The following NHSL1 variants were observed in gnomAD, a reference collection of about 807,000 sequenced individuals.
NHSL1 encodes the protein NHS-like protein 1.
In NHSL1, 48 loss-of-function variants were observed where a neutral mutation model predicts 95.0. That is an observed-to-expected ratio of 0.51 (90% CI 0.40 to 0.64). The LOEUF (loss-of-function observed/expected upper bound fraction) is 0.64, where lower values mean the gene tolerates loss of function less well. Among genes scored for constraint, NHSL1 ranks in the 30% least tolerant of loss-of-function variants. The pLI is 0.00. For synonymous variants in NHSL1, 783 were observed against 833.9 expected (o/e 0.94, Z 1.05); for missense variants, 1,971 against 2,077.7 (o/e 0.95, Z 1.00).
At chr6:138,445,697 C>T (rs1204514596) in intron 4 of NHSL1, among the ~76,000 whole-genome samples, 1 of 152,164 alleles carries the variant, frequency 6.6e-6, no homozygotes, top group Non-Finnish European at 1.5e-5. Context: ...CTTACAAGCT[C>T]ACCAGTGCCA....
intron 1 of NHSL1, among the ~76,000 whole-genome samples, chr6:138,596,645 C>T (rs1454983883): frequency 1.3e-5 from 2 of 152,118 alleles, no homozygotes; most frequent in African/African-American, 2.4e-5. Flanking sequence ...ATCAGCAGCG[C>T]CGCAAAAGGA....
chr6:138,627,366 C>A (rs1248419970), intron 1 of NHSL1, among the ~76,000 whole-genome samples: 1 of 152,118 alleles, frequency 6.6e-6, no homozygotes, highest in Non-Finnish European at 1.5e-5. Context: ...TGAATGTATT[C>A]TTCTTTGTAA....
chr6:138,464,897 G>A (rs558530434), intron 3 of NHSL1, among the ~76,000 whole-genome samples: 1 of 151,342 alleles, frequency 6.6e-6, no homozygotes, highest in African/African-American at 2.4e-5. Context: ...ATTTTTAGTA[G>A]AGACAGGGTT....
chr6:138,681,231 T>A (rs7764815), intron 1 of NHSL1, among the ~76,000 whole-genome samples: 4,425 of 152,282 alleles, frequency 0.029, 116 homozygotes, highest in South Asian at 0.071. Flanking sequence ...CATAAATTAA[T>A]ATTTTCATAT....
intron 1 of NHSL1, among the ~76,000 whole-genome samples, chr6:138,669,116 C>T (rs112442441): frequency 5.3e-5 from 8 of 151,748 alleles, no homozygotes; most frequent in East Asian, 1.9e-4. Flanking sequence ...ACAGGGGAGG[C>T]GAGGAAAGCA....
At chr6:138,532,009 G>A (rs1377604454) in intron 1 of NHSL1, among the ~76,000 whole-genome samples, 1 of 152,188 alleles carries the variant, frequency 6.6e-6, no homozygotes, top group Non-Finnish European at 1.5e-5. Flanking sequence ...ATGACACTGT[G>A]ATAGGTAACT....
chr6:138,636,544 C>G (rs1373448833), intron 1 of NHSL1, among the ~76,000 whole-genome samples: 2 of 152,108 alleles, frequency 1.3e-5, no homozygotes, highest in Non-Finnish European at 2.9e-5. Flanking sequence ...ACTATTGGAA[C>G]TGGTATGCAA....
Position 138,499,382 on chromosome 6 carries a change from AT to A in NHSL1, c.-93del, listed in dbSNP as rs1780551826. Reference sequence around the variant, plus strand: ...GGCAAGCTTCGTCCTTCTGCTACAGATTCTAACTTTTTCTTCCCCCGGTCTC... The same window carrying A: ...GGCAAGCTTCGTCCTTCTGCTACAGATCTAACTTTTTCTTCCCCCGGTCTC... On this transcript the variant is annotated 5_prime_UTR_variant, in exon 1 of 8. It removes the in-frame stop codon of an upstream open reading frame in the 5' UTR. Transcript: ENST00000343505. 9.9e-6 allele frequency: 15 copies of A among 1,515,320 alleles called. No homozygotes were observed. The South Asian group carries it at 1.6e-4, about 16-fold the overall frequency. 93.9% of individuals were successfully genotyped at this position (1,515,320 alleles called of 1,614,324 possible).
intron 1 of NHSL1, among the ~76,000 whole-genome samples, chr6:138,533,101 C>A (rs1782203277): frequency 6.6e-6 from 1 of 152,100 alleles, no homozygotes; most frequent in Non-Finnish European, 1.5e-5. Context: ...CAGACAAAAA[C>A]ACACAGTGAC....
At chr6:138,458,937 T>C (rs1777814261) in intron 3 of NHSL1, among the ~76,000 whole-genome samples, 1 of 152,226 alleles carries the variant, frequency 6.6e-6, no homozygotes, top group African/African-American at 2.4e-5. Flanking sequence ...CTTTCTGATA[T>C]TAACGCCTCT....
intron 1 of NHSL1, among the ~76,000 whole-genome samples, chr6:138,528,921 A>G (rs1455085525): frequency 1.3e-5 from 2 of 152,222 alleles, no homozygotes; most frequent in Non-Finnish European, 2.9e-5. Flanking sequence ...GGCCCTCATA[A>G]AGGCGACATT....
chr6:138,635,411 T>C (rs187082425), intron 1 of NHSL1, among the ~76,000 whole-genome samples: 189 of 152,236 alleles, frequency 1.2e-3, no homozygotes, highest in African/African-American at 4.3e-3. Context: ...CTATGGGCAA[T>C]TATATGCCAA....
At chr6:138,644,739 T>C (rs1784995594) in intron 1 of NHSL1, among the ~76,000 whole-genome samples, 1 of 152,202 alleles carries the variant, frequency 6.6e-6, no homozygotes, top group Admixed American at 6.5e-5. Flanking sequence ...AGACAAACGA[T>C]AAATTATTAT....
chr6:138,455,905 G>A (rs1376746362), intron 3 of NHSL1, among the ~76,000 whole-genome samples: 1 of 152,206 alleles, frequency 6.6e-6, no homozygotes, highest in Non-Finnish European at 1.5e-5. Flanking sequence ...ATGATTGGGA[G>A]AGTGGCCAAA....
rs1163761095 is a variant in NHSL1 at position 138,581,692 on chromosome 6, CAAAAAAA to C, written c.97-85328_97-85322del. ...GGGTGACAGAGTGAGACTCCGTCTC[CAAAAAAA>C]AAAAAAAAAAAAAAAAAATTTCAGG... On this transcript the variant is annotated intron_variant, in intron 1 of 3. Transcript: ENST00000491526. Among the ~76,000 whole-genome samples, 6 of 67,296 alleles carry C rather than the reference CAAAAAAA, an allele frequency of 8.9e-5. No homozygotes were observed. The East Asian group carries it at 1.3e-3, about 15-fold the overall frequency. The allele number at this position is 67,296 out of a possible 152,430, so 44.1% of individuals were successfully genotyped here.
chr6:138,439,788 G>A (rs913113362), intron 5 of NHSL1, among the ~76,000 whole-genome samples: 12 of 152,216 alleles, frequency 7.9e-5, no homozygotes, highest in African/African-American at 1.9e-4. Context: ...CAGATGATGC[G>A]GGGAAAGCTA....
chr6:138,527,176 C>T (rs1047738382), intron 1 of NHSL1, among the ~76,000 whole-genome samples: 2 of 151,816 alleles, frequency 1.3e-5, no homozygotes, highest in Non-Finnish European at 2.9e-5. Context: ...TCAAGACCAG[C>T]GCTGGGAGGC....
intron 1 of NHSL1, among the ~76,000 whole-genome samples, chr6:138,643,169 T>C (rs1173018219): frequency 2.0e-5 from 3 of 152,256 alleles, no homozygotes; most frequent in Non-Finnish European, 4.4e-5. Flanking sequence ...GTGCTAGGCC[T>C]TCTGCCAACA....
intron 4 of NHSL1, among the ~76,000 whole-genome samples, chr6:138,446,468 GGTTTGGCA>G (rs1776871294): frequency 6.6e-6 from 1 of 152,046 alleles, no homozygotes; most frequent in Non-Finnish European, 1.5e-5. Context: ...TTGAATTTCA[GGTTTGGCA>G]ATTAATATTT....
Sources: allele counts gnomAD v4.1 joint callset (sites outside exome capture counted in the v4.1 genomes callset), GRCh38; gene constraint gnomAD v4.1.1; transcripts MANE v1.5; gene names NCBI Gene and HGNC (gene_info 2026-07-23, HGNC 2026-07-21).